The following OLFM2 variants were observed in gnomAD, a reference collection of about 807,000 sequenced individuals.
OLFM2 encodes the protein olfactomedin 2.
A neutral mutation model predicts 43.9 loss-of-function variants in OLFM2; 20 were observed. The ratio of observed to expected loss-of-function variants is 0.46; its 90% confidence interval spans 0.32 to 0.66. The LOEUF (loss-of-function observed/expected upper bound fraction) is 0.66, where lower values mean the gene tolerates loss of function less well. OLFM2 is among the 30% of genes least tolerant of loss of function. The pLI is 0.04. For synonymous variants in OLFM2, 268 were observed against 278.6 expected (o/e 0.96, Z 0.38); for missense variants, 416 against 643.6 (o/e 0.65, Z 3.83).
At chr19:9,932,088 C>G in intron 1 of OLFM2, among the ~76,000 whole-genome samples, 1 of 152,138 alleles carries the variant, frequency 6.6e-6, no homozygotes, top group East Asian at 1.9e-4. Flanking sequence ...TAGCTGAACC[C>G]TGATAAACTG....
Position 9,854,204 on chromosome 19 carries a change from G to A in OLFM2, c.1347C>T (p.Ser449=), listed in dbSNP as rs1419683310. Reference sequence around the variant, plus strand: ...CATTGGCTCAGGGGTCCCCAGAGGTGCTGATGACGTGAAACAGGGTGACAT... The same window carrying A: ...CATTGGCTCAGGGGTCCCCAGAGGTACTGATGACGTGAAACAGGGTGACAT... ...LYNVTLFHVI[S]TSGDP Residue 449 remains serine (S), a synonymous_variant, in exon 6 of 6, where the codon AGC becomes AGT. Coordinates refer to ENST00000264833, the MANE Select transcript of OLFM2 (RefSeq NM_058164.4). The surrounding 1 kb of genome is among the most constrained non-coding windows in gnomAD (Gnocchi z 9.5). 7 of 1,614,150 alleles carry A rather than the reference G, an allele frequency of 4.3e-6. No homozygotes were observed. The highest frequency in any genetic ancestry group is 5.1e-6 in the Non-Finnish European group (6 of 1,180,038).
At chr19:9,875,530 A>C (rs368745714) in intron 1 of OLFM2, among the ~76,000 whole-genome samples, 1 of 61,572 alleles carries the variant, frequency 1.6e-5, no homozygotes, top group African/African-American at 4.8e-5. Flanking sequence ...TTTTTTTTTG[A>C]GACAGGCTGG....
chr19:9,863,660 A>G (rs770326733), intron 1 of OLFM2, among the ~76,000 whole-genome samples: 2 of 152,094 alleles, frequency 1.3e-5, no homozygotes, highest in Middle Eastern at 3.4e-3. Context: ...GCTGCAGCAC[A>G]GATAAACCAA....
In OLFM2 at chr19:9,854,877, C is replaced by A; in HGVS notation, c.688-14G>T. 1 of 1,551,804 alleles carries A rather than the reference C, an allele frequency of 6.4e-7. No homozygotes were observed. Among genetic ancestry groups the A allele is most frequent in the Non-Finnish European group, 8.7e-7 (1 of 1,145,602 alleles). ...CATGTACCAGACCTATGGTAGCAGC[C>A]GCTGGTCACTGGGGGGAACCACCAC... On this transcript the variant is annotated splice_polypyrimidine_tract_variant and intron_variant, in intron 5 of 5. Coordinates refer to ENST00000264833, the MANE Select transcript of OLFM2 (RefSeq NM_058164.4). The surrounding 1 kb of genome is among the most constrained non-coding windows in gnomAD (Gnocchi z 9.5).
rs1428825552 is a variant in OLFM2, at chr19:9,854,688, A to G, written c.863T>C (p.Val288Ala). The G allele has an allele frequency of 3.1e-6, 5 of 1,614,104 alleles. No homozygotes were observed. In the African/African-American group the frequency reaches 6.7e-5, roughly 22 times the overall value. ...LFYNKYQSNV[V>A]VKYHFRSRSV... ...GCGCGAGCGGAAGTGGTATTTGACC[A>G]CCACGTTGCTCTGGTACTTGTTATA... The change falls in exon 6 of 6, where the codon GTG becomes GCG. Residue 288 changes from valine (V) to alanine (A), a missense_variant. Physicochemically the swap from Val to Ala is moderately conservative, Grantham distance 64 (BLOSUM62 0). Coordinates refer to ENST00000264833, the MANE Select transcript of OLFM2 (RefSeq NM_058164.4). The surrounding 1 kb of genome is among the most constrained non-coding windows in gnomAD (Gnocchi z 9.5).
chr19:9,902,382 C>CTTTTTT (rs376869987), intron 1 of OLFM2, among the ~76,000 whole-genome samples: 3 of 122,668 alleles, frequency 2.4e-5, no homozygotes, highest in African/African-American at 3.1e-5. Context: ...TTGCCTTCAT[C>CTTTTTT]TTTTTTTTTT....
chr19:9,901,839 T>C (rs1312496319), intron 1 of OLFM2, among the ~76,000 whole-genome samples: 1 of 152,204 alleles, frequency 6.6e-6, no homozygotes. Flanking sequence ...TATGCACATA[T>C]GTGCACATCA....
chr19:9,884,401 T>C (rs981090169), intron 1 of OLFM2, among the ~76,000 whole-genome samples: 1 of 150,668 alleles, frequency 6.6e-6, no homozygotes, highest in Non-Finnish European at 1.5e-5. Context: ...CATGGTGAAA[T>C]CCCATCTCTA....
At chr19:9,923,327 G>A (rs1209200187) in intron 1 of OLFM2, among the ~76,000 whole-genome samples, 1 of 151,892 alleles carries the variant, frequency 6.6e-6, no homozygotes, top group East Asian at 1.9e-4. Flanking sequence ...TGCCAAGGTG[G>A]GCAGATCACT....
intron 1 of OLFM2, among the ~76,000 whole-genome samples, chr19:9,918,778 GT>G (rs2080114292): frequency 1.3e-5 from 2 of 152,146 alleles, no homozygotes; most frequent in African/African-American, 4.8e-5. Context: ...AGACCACATA[GT>G]TTATGATTCT....
In OLFM2 at chr19:9,867,343, C is replaced by T. The variant is rs1342004364; in HGVS notation, c.64-6549G>A. ...CCGAGATCGTGCCATTGCACTCCAG[C>T]CTGGGCAATAGAGCGAGACCCCGTC... On this transcript the variant is annotated intron_variant, in intron 1 of 5. Coordinates refer to ENST00000264833, the MANE Select transcript of OLFM2 (RefSeq NM_058164.4). 2.6e-5 allele frequency among the ~76,000 whole-genome samples: 4 copies of T among 152,160 alleles called. No homozygotes were observed. In the East Asian group the frequency reaches 7.7e-4, roughly 29 times the overall value.
At chr19:9,935,936 C>T (rs2086511879) in intron 1 of OLFM2, among the ~76,000 whole-genome samples, 1 of 152,184 alleles carries the variant, frequency 6.6e-6, no homozygotes, top group Non-Finnish European at 1.5e-5. Flanking sequence ...CTGGGCATCT[C>T]GGCCCCGAAG....
chr19:9,857,357 G>A lies in OLFM2; in HGVS notation c.486C>T (p.Ala162=). 6.2e-7 allele frequency: 1 copy of A among 1,614,160 alleles called. No homozygotes were observed. The highest frequency in any genetic ancestry group is 8.5e-7 in the Non-Finnish European group (1 of 1,180,016). ...CGTAGGCACCCATCTCCTCCTGAATGGCCGCCAGACTGCCGGAGAGATTCC... is the reference window on the plus strand; with the variant it reads ...CGTAGGCACCCATCTCCTCCTGAATAGCCGCCAGACTGCCGGAGAGATTCC... ...EVRNLSGSLA[A]IQEEMGAYGY... is the part of the protein sequence containing the mutation. The change falls in exon 4 of 6, where the codon GCC becomes GCT. Residue 162 remains alanine, a synonymous_variant. Transcript: ENST00000264833. This position sits in a 1 kb window ranked among gnomAD's most constrained non-coding sequence, Gnocchi z 5.7.
rs2046325413 is a variant in OLFM2, at chr19:9,857,106, T to G, written c.580+157A>C. ...GCCAAGGGTCAGGGCCATTTCCAGC[T>G]TCTGGACTCAAGTGTAGCCTTAGGT... On this transcript the variant is annotated intron_variant, in intron 4 of 5. Coordinates refer to ENST00000264833, the MANE Select transcript of OLFM2 (RefSeq NM_058164.4). The surrounding 1 kb of genome is among the most constrained non-coding windows in gnomAD (Gnocchi z 5.7). 7 of 848,806 alleles carry G rather than the reference T, an allele frequency of 8.2e-6. No homozygotes were observed. The East Asian group carries it at 1.8e-4, about 22-fold the overall frequency. The allele number at this position is 848,806 out of a possible 1,614,324, so 52.6% of individuals were successfully genotyped here. A position where few individuals can be genotyped will look rare whatever the true frequency, so the allele number is the denominator to read the frequency against.
At chr19:9,895,039 C>T (rs557759939) in intron 1 of OLFM2, among the ~76,000 whole-genome samples, 4 of 152,262 alleles carry the variant, frequency 2.6e-5, no homozygotes, top group African/African-American at 9.6e-5. Flanking sequence ...ATCCTCCCCA[C>T]CCCCGGGCCA....
chr19:9,859,305 T>TTTTATTTATTTATTTATTTA (rs71188843), intron 2 of OLFM2, among the ~76,000 whole-genome samples: 1 of 150,138 alleles, frequency 6.7e-6, no homozygotes, highest in African/African-American at 2.5e-5. Context: ...AATTTGTAAG[T>TTTTATTTATTTATTTATTTA]TTTATTTATT....
At chr19:9,922,056 T>C (rs2145003638) in intron 1 of OLFM2, among the ~76,000 whole-genome samples, 1 of 148,098 alleles carries the variant, frequency 6.8e-6, no homozygotes, top group African/African-American at 2.5e-5. Context: ...ATTGCACCAC[T>C]GCACTCCGGC....
At position 9,857,092 on chromosome 19, in the gene OLFM2, G is replaced by A; in HGVS notation, c.580+171C>T. ...GTGAGGGGTTAGAGGCCAAGGGTCA[G>A]GGCCATTTCCAGCTTCTGGACTCAA... On this transcript the variant is annotated intron_variant, in intron 4 of 5. Coordinates refer to ENST00000264833, the MANE Select transcript of OLFM2 (RefSeq NM_058164.4). The surrounding 1 kb of genome is among the most constrained non-coding windows in gnomAD (Gnocchi z 5.7). 1.2e-6 allele frequency: 1 copy of A among 824,202 alleles called. No individual in the cohort carries two copies. The highest frequency in any genetic ancestry group is 2.0e-6 in the Non-Finnish European group (1 of 505,460). 51.1% of individuals were successfully genotyped at this position (824,202 alleles called of 1,614,324 possible).
chr19:9,860,856 G>C (rs943148110), intron 1 of OLFM2, 62 bp from the exon 2 acceptor site: 5 of 1,510,786 alleles, frequency 3.3e-6, no homozygotes, highest in Non-Finnish European at 4.4e-6. Flanking sequence ...GCCCTCACTG[G>C]GACAGGAAGG....
Sources: gnomAD v4.1 joint callset for allele counts (sites outside exome capture counted in the v4.1 genomes callset) on GRCh38, gnomAD v4.1.1 for gene constraint, Gnocchi (gnomAD v3.1) non-coding constraint, MANE v1.5 for transcripts, NCBI Gene and HGNC (gene_info 2026-07-23, HGNC 2026-07-21) for gene names.